CFAP77: variants seen among roughly 807,000 people sequenced by gnomAD.
CFAP77 encodes the protein cilia- and flagella-associated protein 77.
A neutral mutation model predicts 31.1 loss-of-function variants in CFAP77; 25 were observed. The observed-to-expected ratio is 0.80, with a 90% CI of 0.59 to 1.12. CFAP77 has a LOEUF of 1.12. Among genes scored for constraint, CFAP77 ranks in the 50% most tolerant of loss-of-function variants. The pLI is 0.00. For synonymous variants in CFAP77, 151 were observed against 159.9 expected, an observed-to-expected ratio of 0.94 and a Z score of 0.42; for missense variants, 377 against 397.3, an observed-to-expected ratio of 0.95 and a Z score of 0.44.
chr9:132,486,155 C>T (rs1355025953), intron 1 of CFAP77, among the ~76,000 whole-genome samples: 1 of 131,714 alleles, frequency 7.6e-6, no homozygotes, highest in Non-Finnish European at 1.6e-5. Flanking sequence ...TGCGGTGGCG[C>T]AATCTCGGCT....
chr9:132,510,817 T>C (rs1351643732), intron 3 of CFAP77, among the ~76,000 whole-genome samples: 1 of 152,164 alleles, frequency 6.6e-6, no homozygotes, highest in East Asian at 1.9e-4. Flanking sequence ...TGATGAATAA[T>C]AGTGCCAGTT....
intron 1 of CFAP77, among the ~76,000 whole-genome samples, chr9:132,460,646 A>G (rs908020046): frequency 6.6e-6 from 1 of 152,162 alleles, no homozygotes; most frequent in Non-Finnish European, 1.5e-5. Flanking sequence ...CTCAACGGGT[A>G]TGAGATAACC....
intron 3 of CFAP77, among the ~76,000 whole-genome samples, chr9:132,504,528 A>G (rs1851902436): frequency 6.6e-6 from 1 of 152,248 alleles, no homozygotes; most frequent in South Asian, 2.1e-4. Flanking sequence ...AGACATTAAC[A>G]TTAATTGCAC....
At chr9:132,566,057 C>G (rs572175438) in intron 5 of CFAP77, among the ~76,000 whole-genome samples, 1 of 152,306 alleles carries the variant, frequency 6.6e-6, no homozygotes, top group Non-Finnish European at 1.5e-5. Flanking sequence ...AGAAGGAATT[C>G]CTTGCTCCAC....
At chr9:132,559,346 CA>C (rs35737685) in intron 5 of CFAP77, among the ~76,000 whole-genome samples, 30,284 of 55,844 alleles carry the variant, frequency 0.54, 5,291 homozygotes, top group Middle Eastern at 0.69. Flanking sequence ...CTCTGTCTTG[CA>C]AAAAAAAAAA....
chr9:132,469,403 G>T (rs552168900), intron 1 of CFAP77, among the ~76,000 whole-genome samples: 1 of 152,040 alleles, frequency 6.6e-6, no homozygotes, highest in Non-Finnish European at 1.5e-5. Context: ...TCTCCTGTGC[G>T]TGTGGATTAT....
intron 3 of CFAP77, among the ~76,000 whole-genome samples, chr9:132,504,038 CAAAGAAAAGA>C (rs971220898): frequency 6.6e-6 from 1 of 152,080 alleles, no homozygotes; most frequent in Admixed American, 6.6e-5. Context: ...GACTCCATCT[CAAAGAAAAGA>C]AAAGAAAAGA....
Position 132,490,020 on chromosome 9 carries a change from G to A in CFAP77, c.196-8675G>A, listed in dbSNP as rs552350323. Among the ~76,000 whole-genome samples the A allele has an allele frequency of 1.3e-5, 2 of 152,274 alleles. No individual in the cohort carries two copies. The highest frequency in any genetic ancestry group is 6.5e-5 in the Admixed American group (1 of 15,300). On this transcript the variant is annotated intron_variant, in intron 1 of 5. Transcript: ENST00000393216. The surrounding 1 kb of genome is among the most constrained non-coding windows in gnomAD (Gnocchi z 4.6). ...GCTGGGAGTTCCAGATCAATGCGCC[G>A]GTGGTTTCTGTGTCTGGTGAGAGCC...
chr9:132,572,344 C>A, intron 5 of CFAP77, 44 bp from the exon 6 acceptor site: 1 of 1,598,154 alleles, frequency 6.3e-7, no homozygotes, highest in Non-Finnish European at 8.5e-7. Flanking sequence ...ATGAGCTACA[C>A]TGAAGTCTCC....
chr9:132,556,157 G>A (rs890227831), intron 5 of CFAP77, among the ~76,000 whole-genome samples: 1 of 152,298 alleles, frequency 6.6e-6, no homozygotes, highest in East Asian at 1.9e-4. Context: ...ACCCTGATGA[G>A]ACACTACCCC....
chr9:132,421,997 C>T (rs1850224012), intron 1 of CFAP77, among the ~76,000 whole-genome samples: 2 of 151,766 alleles, frequency 1.3e-5, no homozygotes, highest in Non-Finnish European at 1.5e-5. Flanking sequence ...GATAAGACAG[C>T]CTTAGTCCCA....
intron 1 of CFAP77, among the ~76,000 whole-genome samples, chr9:132,439,469 C>T (rs1287002001): frequency 2.0e-5 from 3 of 152,128 alleles, no homozygotes; most frequent in Non-Finnish European, 2.9e-5. Flanking sequence ...AGAGATCCAG[C>T]TCTCTGTGGT....
rs1243511931 is a variant in CFAP77 at position 132,554,021 on chromosome 9, C to T, written c.732+10974C>T. Among the ~76,000 whole-genome samples, 1 of 152,214 alleles carries T rather than the reference C, an allele frequency of 6.6e-6. No individual in the cohort carries two copies. The highest frequency in any genetic ancestry group is 2.4e-5 in the African/African-American group (1 of 41,452). ...CCTACACTGTGTGCCAGGCACCATT[C>T]CAGGGGCTTGGCAATGACCCCACGG... On this transcript the variant is annotated intron_variant, in intron 5 of 5. Transcript: ENST00000393216. This position sits in a 1 kb window ranked among gnomAD's most constrained non-coding sequence, Gnocchi z 4.1.
At chr9:132,494,412 A>G (rs1233462813) in intron 1 of CFAP77, among the ~76,000 whole-genome samples, 1 of 152,168 alleles carries the variant, frequency 6.6e-6, no homozygotes. Flanking sequence ...TCTAGGGCAC[A>G]TTATCACCCC....
rs535569660 is a variant in CFAP77, at chr9:132,554,353, A to T, written c.732+11306A>T. On this transcript the variant is annotated intron_variant, in intron 5 of 5. Transcript: ENST00000393216. This position sits in a 1 kb window ranked among gnomAD's most constrained non-coding sequence, Gnocchi z 4.1. Reference sequence around the variant, plus strand: ...TGCAACCCTTATTTTTATTTTATTTATTTTTTTTTTTGAGACAGGCTCTCA... The same window carrying T: ...TGCAACCCTTATTTTTATTTTATTTTTTTTTTTTTTTGAGACAGGCTCTCA... Among the ~76,000 whole-genome samples, 540 of 147,984 alleles carry T rather than the reference A, an allele frequency of 3.6e-3. No individual in the cohort carries two copies. Among genetic ancestry groups the T allele is most frequent in the African/African-American group, 9.6e-3 (389 of 40,410 alleles).
At chr9:132,440,965 T>C (rs1289787949) in intron 1 of CFAP77, among the ~76,000 whole-genome samples, 2 of 152,188 alleles carry the variant, frequency 1.3e-5, no homozygotes, top group African/African-American at 4.8e-5. Context: ...GTTCCCAAAA[T>C]AGCTGTTGAG....
chr9:132,473,181 C>A (rs1463303463), intron 1 of CFAP77, among the ~76,000 whole-genome samples: 1 of 152,102 alleles, frequency 6.6e-6, no homozygotes, highest in African/African-American at 2.4e-5. Flanking sequence ...TCGTTCACCC[C>A]TAAGGGACGC....
At chr9:132,436,745 G>A (rs1374293043) in intron 1 of CFAP77, among the ~76,000 whole-genome samples, 2 of 152,130 alleles carry the variant, frequency 1.3e-5, no homozygotes, top group East Asian at 1.9e-4. Context: ...TGATAATTAC[G>A]AACGCTTCAA....
chr9:132,482,186 T>TC, intron 1 of CFAP77: 1 of 626,028 alleles, frequency 1.6e-6, no homozygotes. Flanking sequence ...TTTCTTTCTT[T>TC]CTTTTTTTTT....
Sources: gnomAD v4.1 joint callset for allele counts (sites outside exome capture counted in the v4.1 genomes callset) on GRCh38, gnomAD v4.1.1 for gene constraint, Gnocchi (gnomAD v3.1) non-coding constraint, MANE v1.5 for transcripts, NCBI Gene and HGNC (gene_info 2026-07-23, HGNC 2026-07-21) for gene names.